The following NKAIN3 variants were observed in gnomAD, a reference collection of about 807,000 sequenced individuals.
NKAIN3 encodes sodium/potassium-transporting ATPase subunit beta-1-interacting protein 3.
Under a neutral mutation model 30.2 loss-of-function variants are expected in NKAIN3, and 25 were observed. The observed-to-expected ratio is 0.83, with a 90% CI of 0.60 to 1.16. NKAIN3 has a LOEUF of 1.16. Ranked by LOEUF, NKAIN3 falls within the 50% of genes most tolerant of loss-of-function variation. The pLI is 0.00. For missense variants in NKAIN3, 225 were observed against 254.1 expected (o/e 0.89, Z 0.78); for synonymous variants, 91 against 89.6 (o/e 1.02, Z -0.09).
chr8:62,742,644 C>T (rs996183373), intron 3 of NKAIN3, among the ~76,000 whole-genome samples: 9 of 152,198 alleles, frequency 5.9e-5, no homozygotes, highest in Non-Finnish European at 1.3e-4. Context: ...ACCTTCTCAA[C>T]TGTGATGTGC....
At chr8:62,666,962 G>T (rs1204701407) in intron 3 of NKAIN3, among the ~76,000 whole-genome samples, 1 of 152,060 alleles carries the variant, frequency 6.6e-6, no homozygotes, top group African/African-American at 2.4e-5. Context: ...AGAGGATCCT[G>T]TAGGATATAT....
intron 4 of NKAIN3, among the ~76,000 whole-genome samples, chr8:62,902,633 C>T (rs1821647261): frequency 1.3e-5 from 2 of 152,182 alleles, no homozygotes; most frequent in African/African-American, 4.8e-5. Flanking sequence ...AGTCATGTGA[C>T]ACATTTATGA....
At chr8:62,334,799 A>C (rs1203210185) in intron 1 of NKAIN3, among the ~76,000 whole-genome samples, 1 of 152,000 alleles carries the variant, frequency 6.6e-6, no homozygotes, top group Non-Finnish European at 1.5e-5. Flanking sequence ...TGGAAAGTGA[A>C]AAATGGTTTT....
At chr8:62,689,450 T>C (rs1813893904) in intron 3 of NKAIN3, among the ~76,000 whole-genome samples, 1 of 152,216 alleles carries the variant, frequency 6.6e-6, no homozygotes, top group Non-Finnish European at 1.5e-5. Context: ...AGATTACTTG[T>C]ACATTTTGCA....
At chr8:62,883,457 G>GTTTTTTTTTTTTTTT (rs71559381) in intron 4 of NKAIN3, among the ~76,000 whole-genome samples, 4 of 70,228 alleles carry the variant, frequency 5.7e-5, no homozygotes, top group African/African-American at 1.4e-4. Flanking sequence ...AGTTTTATGG[G>GTTTTTTTTTTTTTTT]TTTTTTTTTT....
At chr8:62,584,562 C>A (rs756176695) in intron 2 of NKAIN3, among the ~76,000 whole-genome samples, 16 of 152,162 alleles carry the variant, frequency 1.1e-4, no homozygotes, top group Non-Finnish European at 1.9e-4. Flanking sequence ...TCTCCAGCAC[C>A]TCCTGCATTC....
intron 3 of NKAIN3, among the ~76,000 whole-genome samples, chr8:62,736,828 G>C (rs1451886148): frequency 5.9e-5 from 9 of 152,204 alleles, no homozygotes; most frequent in Admixed American, 5.9e-4. Flanking sequence ...ACCCCAGTGA[G>C]ACAAAGTCTT....
At chr8:62,277,853 G>T (rs1333047221) in intron 1 of NKAIN3, among the ~76,000 whole-genome samples, 2 of 152,174 alleles carry the variant, frequency 1.3e-5, no homozygotes, top group African/African-American at 4.8e-5. Context: ...GGATAAAATA[G>T]ATGAGGCAGT....
At chr8:62,521,292 G>GT (rs1808150837) in intron 1 of NKAIN3, among the ~76,000 whole-genome samples, 1 of 152,004 alleles carries the variant, frequency 6.6e-6, no homozygotes, top group Admixed American at 6.6e-5. Context: ...TCCAAATGTC[G>GT]TTTTTGCAAG....
chr8:62,825,715 C>A (rs1210657492), intron 4 of NKAIN3, among the ~76,000 whole-genome samples: 1 of 152,138 alleles, frequency 6.6e-6, no homozygotes, highest in Non-Finnish European at 1.5e-5. Context: ...GTCTAAACAG[C>A]TACCTATGAG....
intron 1 of NKAIN3, among the ~76,000 whole-genome samples, chr8:62,283,863 T>C (rs1283490328): frequency 6.6e-6 from 1 of 152,104 alleles, no homozygotes; most frequent in East Asian, 1.9e-4. Context: ...AAATTTACAG[T>C]AAAAAACATA....
chr8:62,886,695 G>A (rs1002693865), intron 4 of NKAIN3, among the ~76,000 whole-genome samples: 3 of 152,070 alleles, frequency 2.0e-5, no homozygotes, highest in Non-Finnish European at 4.4e-5. Flanking sequence ...TGGGATACAT[G>A]TGCAGAACTT....
At chr8:62,358,949 A>C (rs1816449150) in intron 1 of NKAIN3, among the ~76,000 whole-genome samples, 1 of 152,200 alleles carries the variant, frequency 6.6e-6, no homozygotes, top group Admixed American at 6.5e-5. Flanking sequence ...TGGGAGGCCA[A>C]GGTGGGTGGA....
intron 4 of NKAIN3, among the ~76,000 whole-genome samples, chr8:62,749,835 G>A (rs890473557): frequency 1.5e-4 from 23 of 151,156 alleles, no homozygotes; most frequent in Middle Eastern, 3.2e-3. Context: ...GGTGCACGCC[G>A]CCACGTCCAG....
chr8:62,833,927 C>A (rs1419794852), intron 4 of NKAIN3, among the ~76,000 whole-genome samples: 1 of 151,426 alleles, frequency 6.6e-6, no homozygotes, highest in Admixed American at 6.6e-5. Context: ...AAATACTCAA[C>A]AAAATGCTAG....
intron 1 of NKAIN3, among the ~76,000 whole-genome samples, chr8:62,358,106 T>C (rs577151076): frequency 1.3e-5 from 2 of 152,268 alleles, no homozygotes; most frequent in East Asian, 3.9e-4. Flanking sequence ...ATGCCTAATT[T>C]ATCAAACCTA....
At position 62,360,793 on chromosome 8, in the gene NKAIN3, T is replaced by A. The variant is rs377152894; in HGVS notation, c.54+111666T>A. ...AATCTCTAAGAACTTGCTTTATGAA[T>A]CTGGGTGCCCCTGTATTGGGTGCAT... On this transcript the variant is annotated intron_variant, in intron 1 of 6. Transcript: ENST00000623646. 1.2e-4 allele frequency among the ~76,000 whole-genome samples: 18 copies of A among 152,296 alleles called. No individual in the cohort carries two copies. The East Asian group carries it at 1.7e-3, about 15-fold the overall frequency.
At chr8:62,307,316 T>G (rs1480759145) in intron 1 of NKAIN3, among the ~76,000 whole-genome samples, 1 of 148,384 alleles carries the variant, frequency 6.7e-6, no homozygotes, top group African/African-American at 2.6e-5. Flanking sequence ...CAAGCCAAAA[T>G]TCTATATAAA....
chr8:62,658,258 T>A (rs1812825049), intron 3 of NKAIN3, among the ~76,000 whole-genome samples: 1 of 152,150 alleles, frequency 6.6e-6, no homozygotes. Context: ...TAAGGATCCT[T>A]ATTACACCCA....
Sources: gnomAD v4.1 joint callset for allele counts (sites outside exome capture counted in the v4.1 genomes callset) on GRCh38, gnomAD v4.1.1 for gene constraint, MANE v1.5 for transcripts, NCBI Gene and HGNC (gene_info 2026-07-23, HGNC 2026-07-21) for gene names.